Variants in RGS12 observed in about 807,000 individuals in gnomAD.
The protein encoded by RGS12 is regulator of G protein signaling 12, also known as regulator of G-protein signaling 12.
RGS12 carries 66 observed loss-of-function variants against 120.1 expected under a neutral mutation model. That is an observed-to-expected ratio of 0.55 (90% CI 0.45 to 0.67). RGS12 has a LOEUF of 0.67. Ranked by LOEUF, RGS12 falls within the 30% of genes least tolerant of loss-of-function variation. The pLI is 0.00. For synonymous variants in RGS12, 827 were observed against 804.7 expected (o/e 1.03, Z -0.47); for missense variants, 1,859 against 1,957.7 (o/e 0.95, Z 0.95).
At chr4:3,437,162 C>T (rs931125071) in intron 17 of RGS12, among the ~76,000 whole-genome samples, 12 of 152,174 alleles carry the variant, frequency 7.9e-5, no homozygotes, top group African/African-American at 2.9e-4. Flanking sequence ...GAGTCACAGG[C>T]CTGGGGCTGG....
chr4:3,408,175 C>T (rs531256099), intron 4 of RGS12, among the ~76,000 whole-genome samples: 5 of 152,336 alleles, frequency 3.3e-5, no homozygotes, highest in South Asian at 2.1e-4. Flanking sequence ...GCATCCCTCC[C>T]GCGTTCTGGC....
At chr4:3,371,157 GCAGGGC>G (rs770878260) in intron 3 of RGS12, among the ~76,000 whole-genome samples, 2 of 152,356 alleles carry the variant, frequency 1.3e-5, no homozygotes, top group South Asian at 4.1e-4. Flanking sequence ...GGTCTGCTGG[GCAGGGC>G]CAGCATGAGC....
At chr4:3,431,690 G>A (rs1435816520) in intron 17 of RGS12, 38 of 985,670 alleles carry the variant, frequency 3.9e-5, no homozygotes, top group East Asian at 1.1e-4. Flanking sequence ...GGGGTCCGAG[G>A]GCCGTGGCCT....
intron 3 of RGS12, among the ~76,000 whole-genome samples, chr4:3,344,586 C>T (rs184598210): frequency 5.1e-4 from 78 of 152,362 alleles, no homozygotes; most frequent in Admixed American, 2.4e-3. Context: ...GTGCTCTGCA[C>T]AACCTGCCCC....
intron 13 of RGS12, 147 bp from the exon 14 acceptor site, chr4:3,425,317 G>A: frequency 1.4e-6 from 1 of 717,728 alleles, no homozygotes. Context: ...CAGCTTGTGT[G>A]CCTCAGTCAG....
intron 3 of RGS12, chr4:3,385,243 T>C (rs1718714772): frequency 6.6e-6 from 1 of 152,346 alleles, no homozygotes; most frequent in East Asian, 1.9e-4. Flanking sequence ...GCCCTCGCCT[T>C]GGCAGAGAGG....
At chr4:3,368,851 G>A (rs1045092183) in intron 3 of RGS12, among the ~76,000 whole-genome samples, 3 of 152,016 alleles carry the variant, frequency 2.0e-5, no homozygotes, top group Non-Finnish European at 2.9e-5. Context: ...GAATGGTGAT[G>A]TGGTCTGGTC....
chr4:3,302,168 T>G lies in RGS12; in HGVS notation c.-102+9069T>G, dbSNP rs563684000. Among the ~76,000 whole-genome samples, 359 of 152,224 alleles carry G rather than the reference T, an allele frequency of 2.4e-3. 1 individual carries two copies. Among genetic ancestry groups the G allele is most frequent in the Non-Finnish European group, 3.8e-3 (256 of 68,000 alleles). On this transcript the variant is annotated intron_variant, in intron 1 of 17. Coordinates refer to ENST00000336727, the MANE Select transcript of RGS12 (RefSeq NM_001394154.1). ...TGTTCCAAAGATACTGAAATAGTGTTTGTTTCTGGAATCAGGAAGTTTCAT... is the reference window on the plus strand; with the variant it reads ...TGTTCCAAAGATACTGAAATAGTGTGTGTTTCTGGAATCAGGAAGTTTCAT...
chr4:3,386,592 C>T (rs1021278995), intron 4 of RGS12, among the ~76,000 whole-genome samples, 155 bp downstream of exon 4: 3 of 152,056 alleles, frequency 2.0e-5, no homozygotes, highest in South Asian at 2.1e-4. Context: ...ATTCTGGGGG[C>T]GCTTTCTGTG....
chr4:3,399,195 T>C (rs1279483888), intron 4 of RGS12, among the ~76,000 whole-genome samples: 1 of 151,778 alleles, frequency 6.6e-6, no homozygotes, highest in East Asian at 1.9e-4. Flanking sequence ...AGTTTGAAAA[T>C]ATAGGAAATA....
intron 3 of RGS12, among the ~76,000 whole-genome samples, chr4:3,380,895 A>G (rs555032167): frequency 6.6e-6 from 1 of 152,306 alleles, no homozygotes; most frequent in East Asian, 1.9e-4. Context: ...AGTGATTAAC[A>G]TTTGGCTCCT....
At chr4:3,364,731 G>T (rs1716119689) in intron 3 of RGS12, among the ~76,000 whole-genome samples, 1 of 152,050 alleles carries the variant, frequency 6.6e-6, no homozygotes, top group South Asian at 2.1e-4. Context: ...CAGAAGCTTT[G>T]GGTAAATTTA....
intron 3 of RGS12, among the ~76,000 whole-genome samples, chr4:3,364,141 T>C (rs1208592909): frequency 6.6e-6 from 1 of 152,258 alleles, no homozygotes; most frequent in African/African-American, 2.4e-5. Flanking sequence ...TAGATGAATC[T>C]TGTAACTGTT....
Position 3,316,691 on chromosome 4 carries a change from C to T in RGS12, c.521C>T (p.Ser174Leu), listed in dbSNP as rs374671224. The change falls in exon 2 of 18, where the codon TCG becomes TTG. Residue 174 changes from serine (S) to leucine (L), a missense_variant. Around this residue, in one of 3 missense-constraint regions of RGS12, gnomAD observed 967 missense variants for 994.2 expected, o/e 0.97. Coordinates refer to ENST00000336727, the MANE Select transcript of RGS12 (RefSeq NM_001394154.1). ...TTGAAACAAAGATCCCTTTCAGAGT[C>T]GGCCGCAACTCGATTTGATGTTGGA... ...LKLKQRSLSE[S>L]AATRFDVGHE... is the part of the protein sequence containing the mutation. 95 of 1,613,958 alleles carry T rather than the reference C, an allele frequency of 5.9e-5. No individual in the cohort carries two copies. The highest frequency in any genetic ancestry group is 3.3e-4 in the Middle Eastern group (2 of 6,084).
chr4:3,378,566 C>T (rs1481674179), intron 3 of RGS12: 2 of 152,134 alleles, frequency 1.3e-5, no homozygotes, highest in African/African-American at 4.8e-5. Context: ...AACTCAGTGG[C>T]AAAAACCAAA....
intron 3 of RGS12, among the ~76,000 whole-genome samples, chr4:3,353,406 T>A (rs1014759197): frequency 2.0e-5 from 3 of 152,174 alleles, no homozygotes; most frequent in African/African-American, 4.8e-5. Context: ...TGGCGCTGCT[T>A]CTTAGTTAAG....
chr4:3,423,826 C>T (rs1247490199), intron 13 of RGS12, 185 bp downstream of exon 13: 2 of 676,280 alleles, frequency 3.0e-6, no homozygotes, highest in Admixed American at 3.1e-5. Flanking sequence ...CAGTGGGAGC[C>T]ATCATGGTTT....
rs2108907977 is a variant in RGS12, at chr4:3,374,586, C to T, written c.1999-11830C>T. On this transcript the variant is annotated intron_variant, in intron 3 of 17. Transcript: ENST00000336727. This position sits in a 1 kb window ranked among gnomAD's most constrained non-coding sequence, Gnocchi z 6.3. ...CTCCCCTCGCCTCCAGTGTACCCCT[C>T]CCTCAGTCTGCCACATCTCAGGAAG... Among the ~76,000 whole-genome samples, 1 of 152,156 alleles carries T rather than the reference C, an allele frequency of 6.6e-6. No individual in the cohort carries two copies. The highest frequency in any genetic ancestry group is 2.1e-4 in the South Asian group (1 of 4,822).
intron 1 of RGS12, among the ~76,000 whole-genome samples, chr4:3,296,872 G>A (rs1199816380): frequency 6.6e-6 from 1 of 152,194 alleles, no homozygotes; most frequent in Non-Finnish European, 1.5e-5. Context: ...GGTTGTGGGA[G>A]GTCACTCATG....
Sources: gnomAD v4.1 joint callset for allele counts (sites outside exome capture counted in the v4.1 genomes callset) on GRCh38, gnomAD v4.1.1 for gene constraint, gnomAD v4.1.1 regional missense constraint, Gnocchi (gnomAD v3.1) non-coding constraint, MANE v1.5 for transcripts, NCBI Gene and HGNC (gene_info 2026-07-23, HGNC 2026-07-21) for gene names.